Variants in MAPK4 observed in about 807,000 individuals in gnomAD.
The protein encoded by MAPK4 is mitogen-activated protein kinase 4.
Under a neutral mutation model 47.7 loss-of-function variants are expected in MAPK4, and 22 were observed. The ratio of observed to expected loss-of-function variants is 0.46; its 90% confidence interval spans 0.33 to 0.66. MAPK4 has a LOEUF of 0.66. MAPK4 is among the 30% of genes least tolerant of loss of function. The pLI, the probability that MAPK4 is intolerant of heterozygous loss-of-function variation, is 0.02. For missense variants in MAPK4, 736 were observed against 831.7 expected (o/e 0.88, Z 1.42); for synonymous variants, 390 against 365.7 (o/e 1.07, Z -0.76).
intron 1 of MAPK4, among the ~76,000 whole-genome samples, chr18:50,624,578 T>C (rs2042759822): frequency 6.6e-6 from 1 of 152,252 alleles, no homozygotes; most frequent in Admixed American, 6.5e-5. Context: ...ACTAAAAGGA[T>C]GTTACCAAAG....
intron 1 of MAPK4, among the ~76,000 whole-genome samples, chr18:50,622,816 G>C (rs1029040061): frequency 1.3e-5 from 2 of 152,204 alleles, no homozygotes; most frequent in Non-Finnish European, 2.9e-5. Context: ...TAAATGTATG[G>C]GTTTCAGACT....
chr18:50,727,226 G>A (rs938097197), intron 5 of MAPK4, among the ~76,000 whole-genome samples: 8 of 152,234 alleles, frequency 5.3e-5, no homozygotes, highest in Non-Finnish European at 1.5e-5. Flanking sequence ...CTGGGAGGGA[G>A]TGCTGGTAGC....
chr18:50,567,566 T>C (rs2042209635), intron 1 of MAPK4, among the ~76,000 whole-genome samples: 4 of 152,234 alleles, frequency 2.6e-5, no homozygotes, highest in Admixed American at 2.6e-4. Flanking sequence ...CAGTTTACCT[T>C]ATATTGATAG....
In MAPK4 at chr18:50,702,797, G is replaced by A. The variant is rs148868433; in HGVS notation, c.547-12282G>A. On this transcript the variant is annotated intron_variant, in intron 2 of 5. Transcript: ENST00000400384. ...CATACTTACTGCCCAGAGCTGGAGT[G>A]TATGCTCCCTGAAGACAGTCCCCTG... Among the ~76,000 whole-genome samples the A allele has an allele frequency of 4.1e-3, 621 of 152,228 alleles. 2 individuals are homozygous for A. The highest frequency in any genetic ancestry group is 5.0e-3 in the South Asian group (24 of 4,822).
chr18:50,720,907 C>G (rs1406380961), intron 3 of MAPK4, among the ~76,000 whole-genome samples: 1 of 152,146 alleles, frequency 6.6e-6, no homozygotes, highest in Non-Finnish European at 1.5e-5. Flanking sequence ...TGTGGGGGCA[C>G]CTGGGAGAGC....
chr18:50,713,595 C>T (rs1178157333), intron 2 of MAPK4, among the ~76,000 whole-genome samples: 1 of 152,214 alleles, frequency 6.6e-6, no homozygotes, highest in African/African-American at 2.4e-5. Flanking sequence ...CAGCTGCTGC[C>T]CATGAGGGGC....
At chr18:50,641,029 A>G (rs1191147358) in intron 1 of MAPK4, among the ~76,000 whole-genome samples, 3 of 152,240 alleles carry the variant, frequency 2.0e-5, no homozygotes, top group African/African-American at 7.2e-5. Flanking sequence ...TTATTTGTCA[A>G]TGTCAGAAGA....
At chr18:50,582,393 A>G (rs2969972) in intron 1 of MAPK4, among the ~76,000 whole-genome samples, 106,461 of 152,070 alleles carry the variant, frequency 0.7, 37,519 homozygotes, top group East Asian at 0.75. Flanking sequence ...TACCTTGTGA[A>G]TTAATGAGCT....
In MAPK4 at chr18:50,730,068, T is replaced by C. The variant is rs970963707; in HGVS notation, c.*214T>C. 2.2e-6 allele frequency: 1 copy of C among 453,638 alleles called. No homozygotes were observed. Among genetic ancestry groups the C allele is most frequent in the Non-Finnish European group, 3.8e-6 (1 of 260,508 alleles). 28.1% of individuals were successfully genotyped at this position (453,638 alleles called of 1,614,324 possible). A position where few individuals can be genotyped will look rare whatever the true frequency, so the allele number is the denominator to read the frequency against. ...AGCGGGTTTGAACAGGACCCTGGCT[T>C]AGGGGTTGATCACTTTCCTAGCAAA... On this transcript the variant is annotated 3_prime_UTR_variant, in exon 6 of 6. Coordinates refer to ENST00000400384, the MANE Select transcript of MAPK4 (RefSeq NM_002747.4).
chr18:50,689,290 C>T (rs1373584404), intron 2 of MAPK4, among the ~76,000 whole-genome samples: 4 of 150,988 alleles, frequency 2.6e-5, no homozygotes, highest in South Asian at 4.2e-4. Context: ...CCCAGCTACT[C>T]GAGAGGCTGA....
intron 1 of MAPK4, among the ~76,000 whole-genome samples, chr18:50,599,334 C>T (rs984540629): frequency 1.3e-5 from 2 of 152,176 alleles, no homozygotes; most frequent in Non-Finnish European, 2.9e-5. Context: ...TACCTCACTT[C>T]TAAGCTAAGA....
intron 1 of MAPK4, among the ~76,000 whole-genome samples, chr18:50,606,870 C>T (rs1022007922): frequency 6.6e-6 from 1 of 152,182 alleles, no homozygotes; most frequent in Admixed American, 6.5e-5. Flanking sequence ...AGAGCTGGTG[C>T]CCAGTTCACT....
At chr18:50,641,003 CT>C (rs1411320471) in intron 1 of MAPK4, among the ~76,000 whole-genome samples, 2 of 152,274 alleles carry the variant, frequency 1.3e-5, no homozygotes, top group South Asian at 2.1e-4. Flanking sequence ...TTTAAATCTG[CT>C]TTTGCCAAAG....
chr18:50,592,081 C>A (rs145998465), intron 1 of MAPK4, among the ~76,000 whole-genome samples: 9 of 152,088 alleles, frequency 5.9e-5, no homozygotes, highest in African/African-American at 2.2e-4. Flanking sequence ...GCCAAGCTGG[C>A]AGAAGGCAAT....
intron 1 of MAPK4, among the ~76,000 whole-genome samples, chr18:50,623,306 C>G (rs6508015): frequency 0.99 from 151,384 of 152,316 alleles, 75,234 homozygotes; most frequent in East Asian, 1. Context: ...TGCGAGCCAG[C>G]GGGGCTGGTT....
intron 1 of MAPK4, among the ~76,000 whole-genome samples, chr18:50,656,314 G>A (rs368731750): frequency 3.0e-4 from 45 of 152,228 alleles, no homozygotes; most frequent in East Asian, 2.9e-3. Flanking sequence ...AGCTGTTGGC[G>A]GGGCTGTAGT....
intron 1 of MAPK4, among the ~76,000 whole-genome samples, chr18:50,636,787 T>G (rs1029226478): frequency 1.3e-5 from 2 of 152,254 alleles, no homozygotes; most frequent in African/African-American, 4.8e-5. Flanking sequence ...CAGGAGTTAC[T>G]CTTTTTCACT....
intron 2 of MAPK4, among the ~76,000 whole-genome samples, chr18:50,677,666 T>G (rs752885176): frequency 1.3e-5 from 2 of 151,980 alleles, no homozygotes; most frequent in Non-Finnish European, 2.9e-5. Flanking sequence ...CCTGCCTCAG[T>G]CTCCCAAGTA....
At chr18:50,695,081 C>T (rs915320644) in intron 2 of MAPK4, among the ~76,000 whole-genome samples, 2 of 152,088 alleles carry the variant, frequency 1.3e-5, no homozygotes, top group African/African-American at 2.4e-5. Context: ...CACGGTGGCT[C>T]ACGCCTATAA....
Sources: allele counts gnomAD v4.1 joint callset (sites outside exome capture counted in the v4.1 genomes callset), GRCh38; gene constraint gnomAD v4.1.1; transcripts MANE v1.5; gene names NCBI Gene and HGNC (gene_info 2026-07-23, HGNC 2026-07-21).